RAPGEF2: variants seen among roughly 807,000 people sequenced by gnomAD.
RAPGEF2 encodes Rap guanine nucleotide exchange factor 2, also known as PDZ domain containing guanine nucleotide exchange factor (GEF) 1.
In RAPGEF2, 54 loss-of-function variants were observed where a neutral mutation model predicts 186.7. The observed-to-expected ratio is 0.29, with a 90% CI of 0.23 to 0.36. RAPGEF2 has a LOEUF of 0.36. Among genes scored for constraint, RAPGEF2 ranks in the 10% least tolerant of loss-of-function variants. RAPGEF2 has a pLI of 1.00. For missense variants in RAPGEF2, 1,532 were observed against 2,045.0 expected (o/e 0.75, Z 4.84); for synonymous variants, 712 against 705.9 (o/e 1.01, Z -0.14).
chr4:159,254,171 CTT>C (rs1755849650), intron 7 of RAPGEF2, among the ~76,000 whole-genome samples: 5 of 152,186 alleles, frequency 3.3e-5, no homozygotes, highest in Non-Finnish European at 7.4e-5. Flanking sequence ...CTGGCATTTT[CTT>C]TTTTTGCCAC....
Position 159,282,579 on chromosome 4 carries a change from A to G in RAPGEF2, c.544-21763A>G, listed in dbSNP as rs1759872214. 2.5e-5 allele frequency: 11 copies of G among 439,796 alleles called. 1 individual carries two copies. Among genetic ancestry groups the G allele is most frequent in the South Asian group, 1.8e-4 (11 of 60,702 alleles). 27.2% of individuals were successfully genotyped at this position (439,796 alleles called of 1,614,324 possible). A position where few individuals can be genotyped will look rare whatever the true frequency, so the allele number is the denominator to read the frequency against. ...CAAATTCTATGCTTTCGGCTTTTAT[A>G]CACCAAGTCTTAATTTAAATCTGTT... On this transcript the variant is annotated intron_variant, in intron 7 of 29. Coordinates refer to ENST00000691494, the MANE Select transcript of RAPGEF2 (RefSeq NM_001394067.2).
At chr4:159,114,119 A>AGT (rs1185863499) in intron 1 of RAPGEF2, among the ~76,000 whole-genome samples, 6 of 136,878 alleles carry the variant, frequency 4.4e-5, no homozygotes, top group Admixed American at 7.3e-5. Flanking sequence ...TACCTGGCTA[A>AGT]TTTTTTTTTT....
intron 1 of RAPGEF2, among the ~76,000 whole-genome samples, chr4:159,169,379 A>G (rs780851586): frequency 7.9e-5 from 12 of 152,254 alleles, no homozygotes; most frequent in Admixed American, 2.0e-4. Context: ...TGAAATATGC[A>G]TACATTGTGG....
intron 9 of RAPGEF2, among the ~76,000 whole-genome samples, chr4:159,319,336 C>T (rs1764967955): frequency 1.3e-5 from 2 of 152,106 alleles, no homozygotes; most frequent in Non-Finnish European, 2.9e-5. Flanking sequence ...ACTGCATATG[C>T]AAGGGTTCTA....
chr4:159,105,045 G>T (rs1737726177), intron 1 of RAPGEF2, among the ~76,000 whole-genome samples: 1 of 152,154 alleles, frequency 6.6e-6, no homozygotes, highest in South Asian at 2.1e-4. Flanking sequence ...TTGTTTACCT[G>T]CAGGCTTACT....
At chr4:159,350,032 G>C in intron 25 of RAPGEF2, 105 bp from the exon 26 acceptor site, 1 of 670,570 alleles carries the variant, frequency 1.5e-6, no homozygotes. Context: ...TTGAACCTCA[G>C]TGTAATGATA....
In RAPGEF2 at chr4:159,319,233, G is replaced by A. The variant is rs182284991; in HGVS notation, c.854-3114G>A. 4.0e-3 allele frequency among the ~76,000 whole-genome samples: 610 copies of A among 152,256 alleles called. 8 individuals are homozygous for A. Among genetic ancestry groups the A allele is most frequent in the African/African-American group, 0.013 (530 of 41,542 alleles). On this transcript the variant is annotated intron_variant, in intron 9 of 29. Coordinates refer to ENST00000691494, the MANE Select transcript of RAPGEF2 (RefSeq NM_001394067.2). The stretch of plus-strand genomic sequence containing the variant: ...GGAACTAGGCCGCACAGCAGGAGGC[G>A]AGTGAAAGGTGAGGGAGCATTACCA...
intron 10 of RAPGEF2, among the ~76,000 whole-genome samples, chr4:159,322,687 A>G (rs1327921124): frequency 6.6e-6 from 1 of 152,204 alleles, no homozygotes; most frequent in Non-Finnish European, 1.5e-5. Context: ...GAGACTGGGA[A>G]GAAAAAGAGG....
intron 10 of RAPGEF2, among the ~76,000 whole-genome samples, chr4:159,323,196 C>T (rs2111159467): frequency 6.6e-6 from 1 of 151,986 alleles, no homozygotes; most frequent in East Asian, 1.9e-4. Context: ...AATTTTTTTC[C>T]TTGTGTCATT....
Position 159,145,599 on chromosome 4 carries a change from C to A in RAPGEF2, c.70-41043C>A, listed in dbSNP as rs145210035. On this transcript the variant is annotated intron_variant, in intron 1 of 29. Coordinates refer to ENST00000691494, the MANE Select transcript of RAPGEF2 (RefSeq NM_001394067.2). ...GATAATTTACGTTCCTCTTTTCTTA[C>A]CAGCTCTTCAAAATCCTGACGTATG... Among the ~76,000 whole-genome samples the A allele has an allele frequency of 5.9e-5, 9 of 152,310 alleles. No homozygotes were observed. In the East Asian group the frequency reaches 1.7e-3, roughly 29 times the overall value.
chr4:159,189,668 C>T (rs1390698600), intron 2 of RAPGEF2, among the ~76,000 whole-genome samples: 2 of 152,170 alleles, frequency 1.3e-5, no homozygotes, highest in Non-Finnish European at 2.9e-5. Flanking sequence ...TTATTATTCT[C>T]ATAGGAACTC....
intron 1 of RAPGEF2, among the ~76,000 whole-genome samples, chr4:159,166,937 A>C (rs1745382506): frequency 6.6e-6 from 1 of 152,182 alleles, no homozygotes; most frequent in Non-Finnish European, 1.5e-5. Context: ...TGTGTAACAC[A>C]GTTGAAATTT....
intron 1 of RAPGEF2, among the ~76,000 whole-genome samples, chr4:159,137,270 A>G (rs1016357662): frequency 6.6e-6 from 1 of 152,178 alleles, no homozygotes; most frequent in African/African-American, 2.4e-5. Context: ...TCTGGCCTGT[A>G]TCATTTTCTG....
chr4:159,114,682 T>C (rs890797977), intron 1 of RAPGEF2, among the ~76,000 whole-genome samples: 2 of 152,228 alleles, frequency 1.3e-5, no homozygotes, highest in Admixed American at 6.5e-5. Context: ...TTGTAGGAAA[T>C]AGAATATTCC....
At chr4:159,168,252 T>C (rs1054885593) in intron 1 of RAPGEF2, among the ~76,000 whole-genome samples, 5 of 152,152 alleles carry the variant, frequency 3.3e-5, no homozygotes, top group African/African-American at 1.2e-4. Context: ...GTGAGTATGT[T>C]GAATGTTTTC....
chr4:159,104,082 A>T lies in RAPGEF2; in HGVS notation c.-81A>T. The stretch of plus-strand genomic sequence containing the variant: ...GGGCGGGCGGGCGGGCGCAGCGCGC[A>T]GGGCGGAGGCAGCAGCGGCGCTGGG... On this transcript the variant is annotated 5_prime_UTR_variant, in exon 1 of 30. Coordinates refer to ENST00000691494, the MANE Select transcript of RAPGEF2 (RefSeq NM_001394067.2). 1.2e-6 allele frequency: 1 copy of T among 856,584 alleles called. No individual in the cohort carries two copies. The highest frequency in any genetic ancestry group is 1.5e-6 in the Non-Finnish European group (1 of 664,740). The allele number at this position is 856,584 out of a possible 1,614,324, so 53.1% of individuals were successfully genotyped here. A position where few individuals can be genotyped will look rare whatever the true frequency, so the allele number is the denominator to read the frequency against.
rs1732501602 is a variant in RAPGEF2, at chr4:159,359,577, T to C, written c.*1438T>C. ...GGAACTGCTGGTCTTGGATTTTTTT[T>C]CCATTAAATTCAGCTGATCATATTG... On this transcript the variant is annotated 3_prime_UTR_variant, in exon 30 of 30. Coordinates refer to ENST00000691494, the MANE Select transcript of RAPGEF2 (RefSeq NM_001394067.2). The C allele has an allele frequency of 6.6e-6, 1 of 152,234 alleles. No homozygotes were observed. Among genetic ancestry groups the C allele is most frequent in the Admixed American group, 6.5e-5 (1 of 15,288 alleles). The allele number at this position is 152,234 out of a possible 1,614,324, so 9.4% of individuals were successfully genotyped here.
chr4:159,213,736 G>C (rs1373393544), intron 4 of RAPGEF2, among the ~76,000 whole-genome samples: 1 of 152,002 alleles, frequency 6.6e-6, no homozygotes, highest in Admixed American at 6.6e-5. Context: ...TTTTACTTTG[G>C]TTGTTTGAAC....
chr4:159,240,548 T>C (rs899951355), intron 5 of RAPGEF2, among the ~76,000 whole-genome samples: 1 of 152,036 alleles, frequency 6.6e-6, no homozygotes, highest in African/African-American at 2.4e-5. Flanking sequence ...TTGGCCAGGC[T>C]GGTCTTGAAC....
Sources: allele counts gnomAD v4.1 joint callset (sites outside exome capture counted in the v4.1 genomes callset), GRCh38; gene constraint gnomAD v4.1.1; transcripts MANE v1.5; gene names NCBI Gene and HGNC (gene_info 2026-07-23, HGNC 2026-07-21).